Variants in FNDC3A observed in about 807,000 individuals in gnomAD.
FNDC3A encodes the protein fibronectin type III domain containing 3A.
Under a neutral mutation model 148.9 loss-of-function variants are expected in FNDC3A, and 32 were observed. The observed-to-expected ratio is 0.21, with a 90% confidence interval of 0.16 to 0.29. The LOEUF (loss-of-function observed/expected upper bound fraction) is 0.29. Among genes scored for constraint, FNDC3A ranks in the 10% least tolerant of loss-of-function variants. FNDC3A has a pLI of 1.00. For synonymous variants in FNDC3A, 472 were observed against 473.6 expected, an observed-to-expected ratio of 1.00 and a Z score of 0.04; for missense variants, 1,191 against 1,452.8, an observed-to-expected ratio of 0.82 and a Z score of 2.93.
rs1885877434 is a variant in FNDC3A at position 49,191,329 on chromosome 13, G to C, written c.2171G>C (p.Ser724Thr). The C allele has an allele frequency of 6.2e-7, 1 of 1,611,840 alleles. No homozygotes were observed. The highest frequency in any genetic ancestry group is 2.2e-5 in the East Asian group (1 of 44,848). ...TCTGAAGTAGAATGTACAGTGAGCA[G>C]CCTTCTTCCTGGAAAGACATACAGC... ...QGSEVECTVS[S>T]LLPGKTYSFR... The change falls in exon 19 of 26, where the codon AGC (serine) becomes ACC (threonine). Residue 724 changes from serine (S) to threonine (T), a missense_variant. Physicochemically the swap from Ser to Thr is moderately conservative, Grantham distance 58. Transcript: ENST00000492622.
Position 49,198,093 on chromosome 13 carries a change from G to A in FNDC3A, c.2602G>A (p.Glu868Lys). Residue 868 changes from glutamate (E) to lysine (K), a missense_variant, in exon 22 of 26, where the codon GAA (glutamate) becomes AAA (lysine). This residue lies in a region of FNDC3A where 751 missense variants were observed against 944.0 expected (regional missense o/e 0.80). Transcript: ENST00000492622. Reference protein sequence around the residue: ...CLQEISDDEIENPHYSPSTCL... With the variant: ...CLQEISDDEIKNPHYSPSTCL... The stretch of plus-strand genomic sequence containing the variant: ...TCAAGAAATAAGCGATGATGAGATA[G>A]AAAATCCCCATTATTCACCTTCTAC... The A allele has an allele frequency of 6.2e-7, 1 of 1,614,156 alleles. No individual in the cohort carries two copies. The highest frequency in any genetic ancestry group is 8.5e-7 in the Non-Finnish European group (1 of 1,180,024).
intron 7 of FNDC3A, among the ~76,000 whole-genome samples, chr13:49,139,212 G>A (rs1882554482): frequency 6.6e-6 from 1 of 152,140 alleles, no homozygotes; most frequent in Admixed American, 6.5e-5. Flanking sequence ...GTGCAAAAGT[G>A]GAAGGAATGG....
At chr13:49,206,751 GA>G (rs1207182581) in intron 25 of FNDC3A, among the ~76,000 whole-genome samples, 1 of 152,142 alleles carries the variant, frequency 6.6e-6, no homozygotes, top group African/African-American at 2.4e-5. Context: ...TGATTGCATT[GA>G]AAAATGACTT....
Position 49,198,031 on chromosome 13 carries a change from T to C in FNDC3A, c.2540T>C (p.Val847Ala). 6.2e-7 allele frequency: 1 copy of C among 1,614,160 alleles called. No homozygotes were observed. Among genetic ancestry groups the C allele is most frequent in the Non-Finnish European group, 8.5e-7 (1 of 1,180,010 alleles). Reference sequence around the variant, plus strand: ...CCTTTCAGTGAAGTAGTAGCCTGTGTGACTCCACCATCAGTTCCTGGCATT... The same window carrying C: ...CCTTTCAGTGAAGTAGTAGCCTGTGCGACTCCACCATCAGTTCCTGGCATT... ...AGPFSEVVAC[V>A]TPPSVPGIVT... The change falls in exon 22 of 26, where the codon GTG becomes GCG. Residue 847 changes from valine to alanine, a missense_variant. Val to Ala is a moderately conservative substitution (Grantham distance 64). Transcript: ENST00000492622.
Position 49,156,774 on chromosome 13 carries a change from T to G in FNDC3A, c.978-10470T>G, listed in dbSNP as rs1453338470. On this transcript the variant is annotated intron_variant, in intron 8 of 25. Coordinates refer to ENST00000492622, the MANE Select transcript of FNDC3A (RefSeq NM_001079673.2). Reference sequence around the variant, plus strand: ...GTAAAGTATTTTATTTCTCCTTCACTTATGAAGCTTAGTTTGGCTGGATAT... The same window carrying G: ...GTAAAGTATTTTATTTCTCCTTCACGTATGAAGCTTAGTTTGGCTGGATAT... Among the ~76,000 whole-genome samples the G allele has an allele frequency of 5.3e-3, 684 of 128,148 alleles. 9 individuals are homozygous for G. Among genetic ancestry groups the G allele is most frequent in the African/African-American group, 0.019 (638 of 33,402 alleles). 84.1% of individuals were successfully genotyped at this position (128,148 alleles called of 152,430 possible).
rs1032548067 is a variant in FNDC3A at position 49,203,368 on chromosome 13, C to T, written c.3282+84C>T. 16 of 966,908 alleles carry T rather than the reference C, an allele frequency of 1.7e-5. No homozygotes were observed. The Admixed American group carries it at 3.7e-4, about 22-fold the overall frequency. 59.9% of individuals were successfully genotyped at this position (966,908 alleles called of 1,614,324 possible). A position where few individuals can be genotyped will look rare whatever the true frequency, so the allele number is the denominator to read the frequency against. ...TATTTTCAGTGTAAGATTTGGCCAT[C>T]TTTACCTTTTAATTCATAAATATTT... is the stretch of plus-strand genomic sequence containing the variant. On this transcript the variant is annotated intron_variant, in intron 25 of 25. Transcript: ENST00000492622.
chr13:49,046,172 A>G (rs1369718578), intron 2 of FNDC3A: 1 of 155,934 alleles, frequency 6.4e-6, no homozygotes, highest in Non-Finnish European at 1.4e-5. Context: ...AACAGAACTA[A>G]TCAGATAAAT....
At chr13:49,152,256 A>C (rs1018949901) in intron 8 of FNDC3A, among the ~76,000 whole-genome samples, 9 of 152,122 alleles carry the variant, frequency 5.9e-5, no homozygotes, top group African/African-American at 1.7e-4. Flanking sequence ...CTGACTTTTT[A>C]ATGATCACCA....
chr13:49,018,648 A>G (rs1440311205), intron 2 of FNDC3A, among the ~76,000 whole-genome samples: 3 of 152,276 alleles, frequency 2.0e-5, no homozygotes, highest in Non-Finnish European at 4.4e-5. Flanking sequence ...CTGGTGAGGA[A>G]CTGCATTCCT....
At chr13:49,119,862 G>C (rs1040487107) in intron 4 of FNDC3A, among the ~76,000 whole-genome samples, 12 of 152,108 alleles carry the variant, frequency 7.9e-5, no homozygotes, top group Admixed American at 5.2e-4. Flanking sequence ...ACCTATGTTT[G>C]ATTGGTATAC....
chr13:49,028,575 T>A (rs1366651209), intron 2 of FNDC3A, among the ~76,000 whole-genome samples: 2 of 152,054 alleles, frequency 1.3e-5, no homozygotes, highest in Non-Finnish European at 2.9e-5. Context: ...ACAAATAGGT[T>A]GAAATGTAAA....
chr13:48,996,703 G>C (rs1952030341), intron 1 of FNDC3A, among the ~76,000 whole-genome samples: 2 of 152,246 alleles, frequency 1.3e-5, no homozygotes. Flanking sequence ...TGTGGTTTCA[G>C]ATATGGCTCT....
At chr13:49,016,350 G>A (rs1872777295) in intron 2 of FNDC3A, among the ~76,000 whole-genome samples, 1 of 152,068 alleles carries the variant, frequency 6.6e-6, no homozygotes, top group South Asian at 2.1e-4. Context: ...ATGTGTCGAG[G>A]AATGTATCCA....
chr13:49,082,999 A>G (rs1411409006), intron 3 of FNDC3A, among the ~76,000 whole-genome samples: 1 of 152,136 alleles, frequency 6.6e-6, no homozygotes, highest in African/African-American at 2.4e-5. Flanking sequence ...ATAGTGCACA[A>G]TCTGGGGATG....
At chr13:49,091,047 C>T (rs1449474783) in intron 3 of FNDC3A, among the ~76,000 whole-genome samples, 1 of 152,080 alleles carries the variant, frequency 6.6e-6, no homozygotes, top group Non-Finnish European at 1.5e-5. Flanking sequence ...CAGGGAAAGA[C>T]ATAGGCTCTC....
At chr13:49,061,041 A>G (rs1054626331) in intron 2 of FNDC3A, among the ~76,000 whole-genome samples, 1 of 152,170 alleles carries the variant, frequency 6.6e-6, no homozygotes, top group Admixed American at 6.5e-5. Flanking sequence ...GAAATTGATT[A>G]TAATATTGAT....
chr13:49,167,325 CCT>C, intron 9 of FNDC3A, 22 bp downstream of exon 9: 1 of 1,493,380 alleles, frequency 6.7e-7, no homozygotes, highest in African/African-American at 1.4e-5. Context: ...CTACAGATTG[CCT>C]TTATAAGATA....
chr13:49,184,087 AC>A (rs1352987650), intron 14 of FNDC3A, among the ~76,000 whole-genome samples: 2 of 152,236 alleles, frequency 1.3e-5, no homozygotes, highest in African/African-American at 2.4e-5. Flanking sequence ...CTTGGAAATG[AC>A]ATTTAAACAG....
intron 2 of FNDC3A, among the ~76,000 whole-genome samples, chr13:49,018,395 G>A (rs991013444): frequency 5.7e-4 from 87 of 151,770 alleles, no homozygotes; most frequent in African/African-American, 1.8e-3. Context: ...TGATCGCATC[G>A]GCTCCTGAGG....
Sources: allele counts gnomAD v4.1 joint callset (sites outside exome capture counted in the v4.1 genomes callset), GRCh38; gene constraint gnomAD v4.1.1; regional missense constraint gnomAD v4.1.1; transcripts MANE v1.5; gene names NCBI Gene and HGNC (gene_info 2026-07-23, HGNC 2026-07-21).